Variants in GRIA2 observed in about 807,000 individuals in gnomAD.
The protein encoded by GRIA2 is glutamate ionotropic receptor AMPA type subunit 2, also known as glutamate receptor 2.
Under a neutral mutation model 97.3 loss-of-function variants are expected in GRIA2, and 14 were observed. The observed-to-expected ratio is 0.14, with a 90% CI of 0.10 to 0.23. GRIA2 has a LOEUF of 0.23. Among genes scored for constraint, GRIA2 ranks in the 10% least tolerant of loss-of-function variants. GRIA2 has a pLI of 1.00. For synonymous variants in GRIA2, 412 were observed against 387.8 expected (o/e 1.06, Z -0.73); for missense variants, 558 against 1,069.8 (o/e 0.52, Z 6.67).
At chr4:157,320,800 A>C (rs1297649608) in intron 5 of GRIA2, among the ~76,000 whole-genome samples, 1 of 152,270 alleles carries the variant, frequency 6.6e-6, no homozygotes, top group African/African-American at 2.4e-5. Context: ...AATTCATGTC[A>C]GCACAATATT....
At chr4:157,245,257 G>A (rs772210225) in intron 2 of GRIA2, among the ~76,000 whole-genome samples, 2 of 151,804 alleles carry the variant, frequency 1.3e-5, no homozygotes, top group Admixed American at 1.3e-4. Context: ...TAATTAAGGT[G>A]GCATCATATA....
In GRIA2 at chr4:157,333,302, A is replaced by G. The variant is rs745760536; in HGVS notation, c.1104A>G (p.Arg368=). 6.9e-6 allele frequency: 11 copies of G among 1,604,290 alleles called. No individual in the cohort carries two copies. The highest frequency in any genetic ancestry group is 2.7e-5 in the African/African-American group (2 of 74,504). Residue 368 remains arginine, a synonymous_variant, in exon 8 of 16, where the codon AGA becomes AGG. Transcript: ENST00000264426. Reference sequence around the variant, plus strand: ...TAAAGTTTGACCAGAATGGAAAAAGAATAAACTATACAATTAACATCATGG... The same window carrying G: ...TAAAGTTTGACCAGAATGGAAAAAGGATAAACTATACAATTAACATCATGG... ...GNIKFDQNGK[R]INYTINIMEL...
chr4:157,281,672 G>A (rs1377877183), intron 2 of GRIA2, among the ~76,000 whole-genome samples: 3 of 138,482 alleles, frequency 2.2e-5, no homozygotes, highest in African/African-American at 5.7e-5. Flanking sequence ...TTGTCTAATT[G>A]TGTGGGTCTC....
At chr4:157,239,865 A>G (rs1252912787) in intron 2 of GRIA2, among the ~76,000 whole-genome samples, 2 of 151,932 alleles carry the variant, frequency 1.3e-5, no homozygotes, top group Non-Finnish European at 2.9e-5. Flanking sequence ...TCCAAATGTT[A>G]TTATACATTA....
chr4:157,327,003 G>T (rs1734832209), intron 6 of GRIA2, among the ~76,000 whole-genome samples: 1 of 152,150 alleles, frequency 6.6e-6, no homozygotes, highest in Non-Finnish European at 1.5e-5. Flanking sequence ...TGTGGTTGTG[G>T]CATGGGGATG....
At chr4:157,317,570 G>T (rs774470898) in intron 4 of GRIA2, 88 bp from the exon 5 acceptor site, 150 of 506,876 alleles carry the variant, frequency 3.0e-4, no homozygotes, top group Non-Finnish European at 3.2e-5. Context: ...AAAATTCCAC[G>T]TTTTTCCCTG....
At chr4:157,239,694 T>C (rs548612014) in intron 2 of GRIA2, among the ~76,000 whole-genome samples, 3 of 152,112 alleles carry the variant, frequency 2.0e-5, no homozygotes, top group Admixed American at 2.0e-4. Flanking sequence ...CATGTATATA[T>C]ACATGTATTT....
intron 2 of GRIA2, among the ~76,000 whole-genome samples, chr4:157,246,068 G>T (rs186432483): frequency 1.9e-3 from 296 of 152,202 alleles, no homozygotes; most frequent in East Asian, 0.01. Flanking sequence ...TTTGTTGACA[G>T]TAGAGGTTTA....
intron 3 of GRIA2, among the ~76,000 whole-genome samples, chr4:157,305,059 A>G (rs1450179067): frequency 6.6e-6 from 1 of 152,208 alleles, no homozygotes; most frequent in Non-Finnish European, 1.5e-5. Flanking sequence ...AGAATCATTT[A>G]CAGTAAATAC....
At chr4:157,230,352 T>G (rs552039378) in intron 2 of GRIA2, among the ~76,000 whole-genome samples, 30 of 152,234 alleles carry the variant, frequency 2.0e-4, no homozygotes, top group African/African-American at 7.2e-4. Flanking sequence ...GAAAATATTT[T>G]TTTCCTTATT....
At chr4:157,253,323 C>T (rs543518142) in intron 2 of GRIA2, among the ~76,000 whole-genome samples, 2 of 151,986 alleles carry the variant, frequency 1.3e-5, no homozygotes, top group Admixed American at 1.3e-4. Context: ...TGCCACGTTG[C>T]CAAGGCTAAT....
At chr4:157,362,582 A>T in intron 14 of GRIA2, 1 of 600,644 alleles carries the variant, frequency 1.7e-6, no homozygotes. Flanking sequence ...CCCTGCAGGT[A>T]GTCGATTGAG....
intron 9 of GRIA2, 191 bp from the exon 10 acceptor site, chr4:157,335,480 G>A: frequency 1.7e-6 from 1 of 580,558 alleles, no homozygotes; most frequent in Non-Finnish European, 3.1e-6. Flanking sequence ...GAATTATAGT[G>A]ATAGACATTC....
At chr4:157,239,954 A>C (rs1730430320) in intron 2 of GRIA2, among the ~76,000 whole-genome samples, 1 of 151,974 alleles carries the variant, frequency 6.6e-6, no homozygotes, top group African/African-American at 2.4e-5. Flanking sequence ...GACTTTATTC[A>C]TCTTCCTTGT....
At position 157,334,108 on chromosome 4, in the gene GRIA2, C is replaced by T; in HGVS notation, c.1254C>T (p.Val418=). 2 of 1,585,152 alleles carry T rather than the reference C, an allele frequency of 1.3e-6. No individual in the cohort carries two copies. Among genetic ancestry groups the T allele is most frequent in the Non-Finnish European group, 1.7e-6 (2 of 1,154,214 alleles). The part of the protein sequence containing the change: ...TSGLENKTVV[V]TTILESPYVM... The stretch of plus-strand genomic sequence containing the variant: ...GGCTTGAGAATAAGACTGTTGTTGT[C>T]ACCACAATTTTGGTAATTTGCTACA... The change falls in exon 9 of 16, where the codon GTC becomes GTT. Residue 418 remains valine (V), a synonymous_variant. Transcript: ENST00000264426.
intron 2 of GRIA2, among the ~76,000 whole-genome samples, chr4:157,244,885 T>C (rs1043871124): frequency 1.6e-4 from 25 of 152,040 alleles, no homozygotes; most frequent in African/African-American, 6.0e-4. Flanking sequence ...CCTGTAGCTA[T>C]GTCTTTGATT....
chr4:157,354,686 C>A (rs963362260), intron 12 of GRIA2, among the ~76,000 whole-genome samples: 1 of 152,152 alleles, frequency 6.6e-6, no homozygotes, highest in East Asian at 1.9e-4. Context: ...TCAAGAGAAA[C>A]TACCAGTTAT....
intron 2 of GRIA2, among the ~76,000 whole-genome samples, chr4:157,293,998 T>C (rs908146580): frequency 6.6e-6 from 1 of 152,086 alleles, no homozygotes; most frequent in African/African-American, 2.4e-5. Context: ...AAAAAATGTG[T>C]CCTTTGAAAA....
intron 5 of GRIA2, among the ~76,000 whole-genome samples, chr4:157,320,007 A>C (rs766693217): frequency 6.6e-6 from 1 of 152,144 alleles, no homozygotes; most frequent in Non-Finnish European, 1.5e-5. Flanking sequence ...CCTAGAAATT[A>C]AAAATTCAAG....
Sources: gnomAD v4.1 joint callset for allele counts (sites outside exome capture counted in the v4.1 genomes callset) on GRCh38, gnomAD v4.1.1 for gene constraint, MANE v1.5 for transcripts, NCBI Gene and HGNC (gene_info 2026-07-23, HGNC 2026-07-21) for gene names.